The following DNAJC5 variants were observed in gnomAD, a reference collection of about 807,000 sequenced individuals.
DNAJC5 encodes DnaJ heat shock protein family (Hsp40) member C5.
DNAJC5 carries 1 observed loss-of-function variant against 23.2 expected under a neutral mutation model. The ratio of observed to expected loss-of-function variants is 0.04; its 90% CI spans 0.02 to 0.20. DNAJC5 has a LOEUF of 0.20. Among genes scored for constraint, DNAJC5 ranks in the 10% least tolerant of loss-of-function variants. The pLI is 1.00. For synonymous variants in DNAJC5, 136 were observed against 120.0 expected (o/e 1.13, Z -0.87); for missense variants, 180 against 267.0 (o/e 0.67, Z 2.27).
intron 1 of DNAJC5, among the ~76,000 whole-genome samples, chr20:63,922,322 G>A (rs1032506165): frequency 1.7e-4 from 26 of 152,166 alleles, no homozygotes; most frequent in African/African-American, 5.8e-4. Flanking sequence ...AATTAGCTGG[G>A]TGTGGTGGCG....
intron 1 of DNAJC5, among the ~76,000 whole-genome samples, chr20:63,918,427 AT>A (rs1279137450): frequency 2.6e-5 from 4 of 152,194 alleles, no homozygotes; most frequent in African/African-American, 9.6e-5. Context: ...ATTAAAACTA[AT>A]TAGCGTTTAG....
At position 63,929,492 on chromosome 20, in the gene DNAJC5, C is replaced by T; in HGVS notation, c.288C>T (p.Asn96=). 1 of 1,614,102 alleles carries T rather than the reference C, an allele frequency of 6.2e-7. No homozygotes were observed. Among genetic ancestry groups the T allele is most frequent in the Admixed American group, 1.7e-5 (1 of 60,022 alleles). ...VAEQFGEENV[N]TYFVLSSWWA... is the part of the protein sequence containing the mutation. Reference sequence around the variant, plus strand: ...AGCAGTTTGGGGAAGAGAACGTGAACACCTACTTCGTGCTGTCCAGCTGGT... The same window carrying T: ...AGCAGTTTGGGGAAGAGAACGTGAATACCTACTTCGTGCTGTCCAGCTGGT... Residue 96 remains asparagine (N), a synonymous_variant, in exon 3 of 5, where the codon AAC becomes AAT. Coordinates refer to ENST00000360864, the MANE Select transcript of DNAJC5 (RefSeq NM_025219.3). The surrounding 1 kb of genome is among the most constrained non-coding windows in gnomAD (Gnocchi z 8.6).
Position 63,934,976 on chromosome 20 carries a change from TGGGGACATCTCGTGA to T in DNAJC5, c.*3416_*3430del, listed in dbSNP as rs1475413161. 1 of 152,266 alleles carries T rather than the reference TGGGGACATCTCGTGA, an allele frequency of 6.6e-6. No individual in the cohort carries two copies. The highest frequency in any genetic ancestry group is 1.5e-5 in the Non-Finnish European group (1 of 68,074). The allele number at this position is 152,266 out of a possible 1,614,324, so 9.4% of individuals were successfully genotyped here. On this transcript the variant is annotated 3_prime_UTR_variant, in exon 5 of 5. Transcript: ENST00000360864. Reference sequence around the variant, plus strand: ...AGCTCTGACTCAGTGCATCCTACTGTGGGGACATCTCGTGAGGGGACACGAAATGACTGATCTCAC... The same window carrying T: ...AGCTCTGACTCAGTGCATCCTACTGTGGGGACACGAAATGACTGATCTCAC...
At chr20:63,902,397 C>G (rs2053419588) in intron 1 of DNAJC5, among the ~76,000 whole-genome samples, 1 of 118,932 alleles carries the variant, frequency 8.4e-6, no homozygotes, top group Non-Finnish European at 1.7e-5. Context: ...CGGAGTTTCA[C>G]TCTTGTTTCC....
At chr20:63,927,706 G>A (rs1463567858) in intron 1 of DNAJC5, among the ~76,000 whole-genome samples, 1 of 152,144 alleles carries the variant, frequency 6.6e-6, no homozygotes, top group African/African-American at 2.4e-5. Context: ...GTTGGGTCTT[G>A]CATTTTTATC....
At chr20:63,926,751 C>G (rs1283242677) in intron 1 of DNAJC5, among the ~76,000 whole-genome samples, 1 of 152,200 alleles carries the variant, frequency 6.6e-6, no homozygotes, top group Non-Finnish European at 1.5e-5. Flanking sequence ...TGGACTGGGA[C>G]GACACTCACC....
intron 1 of DNAJC5, among the ~76,000 whole-genome samples, chr20:63,899,759 T>C (rs546003410): frequency 9.9e-4 from 151 of 152,072 alleles, no homozygotes; most frequent in African/African-American, 3.4e-3. Context: ...TTTTTTGTAT[T>C]TTTAGTAGAG....
At chr20:63,917,716 G>A (rs1273076749) in intron 1 of DNAJC5, among the ~76,000 whole-genome samples, 2 of 151,468 alleles carry the variant, frequency 1.3e-5, no homozygotes, top group African/African-American at 2.4e-5. Context: ...CCATCACACC[G>A]AGGTAATTTT....
intron 1 of DNAJC5, among the ~76,000 whole-genome samples, chr20:63,925,824 GGTTT>G (rs749652840): frequency 1.5e-3 from 206 of 136,842 alleles, no homozygotes; most frequent in Non-Finnish European, 2.6e-3. Context: ...AATTTTATCT[GGTTT>G]TTTTTTTTTT....
chr20:63,903,529 G>T (rs921027611), intron 1 of DNAJC5, among the ~76,000 whole-genome samples: 2 of 152,064 alleles, frequency 1.3e-5, no homozygotes, highest in African/African-American at 4.8e-5. Flanking sequence ...GGATGATCTC[G>T]ATCTCTTGAC....
In DNAJC5 at chr20:63,929,468, G is replaced by A. The variant is rs780477656; in HGVS notation, c.264G>A (p.Glu88=). The A allele has an allele frequency of 6.2e-7, 1 of 1,614,066 alleles. No homozygotes were observed. Among genetic ancestry groups the A allele is most frequent in the Non-Finnish European group, 8.5e-7 (1 of 1,180,050 alleles). Reference sequence around the variant, plus strand: ...GCTCGCTGGGTCTCTACGTGGCCGAGCAGTTTGGGGAAGAGAACGTGAACA... The same window carrying A: ...GCTCGCTGGGTCTCTACGTGGCCGAACAGTTTGGGGAAGAGAACGTGAACA... ...KYGSLGLYVA[E]QFGEENVNTY... Residue 88 remains glutamate (E), a synonymous_variant, in exon 3 of 5, where the codon GAG becomes GAA. Transcript: ENST00000360864. This position sits in a 1 kb window ranked among gnomAD's most constrained non-coding sequence, Gnocchi z 8.6.
intron 1 of DNAJC5, among the ~76,000 whole-genome samples, chr20:63,903,729 T>C (rs1010526688): frequency 2.0e-5 from 3 of 152,022 alleles, no homozygotes; most frequent in African/African-American, 7.2e-5. Flanking sequence ...GCAAGCAGAT[T>C]ACATGAGGCC....
chr20:63,921,080 C>T (rs926780982), intron 1 of DNAJC5, among the ~76,000 whole-genome samples: 4 of 152,138 alleles, frequency 2.6e-5, no homozygotes, highest in Admixed American at 6.5e-5. Flanking sequence ...CTACCTCAGC[C>T]TCCTGAGTAG....
At chr20:63,926,690 G>T (rs562447488) in intron 1 of DNAJC5, among the ~76,000 whole-genome samples, 1 of 152,180 alleles carries the variant, frequency 6.6e-6, no homozygotes, top group Non-Finnish European at 1.5e-5. Context: ...CAGGCGAGAA[G>T]GAAAACCCAG....
At position 63,920,099 on chromosome 20, in the gene DNAJC5, A is replaced by G. The variant is rs2053555066; in HGVS notation, c.-11-8236A>G. On this transcript the variant is annotated intron_variant, in intron 1 of 4. Transcript: ENST00000360864. This position sits in a 1 kb window ranked among gnomAD's most constrained non-coding sequence, Gnocchi z 4.6. ...AGAGGACGCACCCGGCTGTGTGGAC[A>G]TGTGCCCAGGGCCCGGGACAGCGCC... 7.5e-6 allele frequency among the ~76,000 whole-genome samples: 1 copy of G among 134,124 alleles called. No homozygotes were observed. Among genetic ancestry groups the G allele is most frequent in the Non-Finnish European group, 1.6e-5 (1 of 62,902 alleles). The allele number at this position is 134,124 out of a possible 152,430, so 88.0% of individuals were successfully genotyped here. A position where few individuals can be genotyped will look rare whatever the true frequency, so the allele number is the denominator to read the frequency against.
At chr20:63,913,082 T>G (rs2053492606) in intron 1 of DNAJC5, among the ~76,000 whole-genome samples, 1 of 152,136 alleles carries the variant, frequency 6.6e-6, no homozygotes, top group African/African-American at 2.4e-5. Context: ...CCCGTCTCCA[T>G]CTCCCTGTCT....
chr20:63,915,542 A>G (rs1462078952), intron 1 of DNAJC5, among the ~76,000 whole-genome samples: 1 of 152,194 alleles, frequency 6.6e-6, no homozygotes, highest in African/African-American at 2.4e-5. Context: ...TGTCCTGGAT[A>G]TGTCCACTGG....
chr20:63,916,301 A>T (rs2053515257), intron 1 of DNAJC5, among the ~76,000 whole-genome samples: 1 of 152,204 alleles, frequency 6.6e-6, no homozygotes, highest in African/African-American at 2.4e-5. Flanking sequence ...ATTTTCCATA[A>T]GTGTCGGCCA....
chr20:63,929,196 C>T lies in DNAJC5; in HGVS notation c.108-116C>T. 1 of 1,230,674 alleles carries T rather than the reference C, an allele frequency of 8.1e-7. No individual in the cohort carries two copies. Among genetic ancestry groups the T allele is most frequent in the Non-Finnish European group, 1.2e-6 (1 of 858,194 alleles). 76.2% of individuals were successfully genotyped at this position (1,230,674 alleles called of 1,614,324 possible). A position where few individuals can be genotyped will look rare whatever the true frequency, so the allele number is the denominator to read the frequency against. On this transcript the variant is annotated intron_variant, in intron 2 of 4. Transcript: ENST00000360864. The surrounding 1 kb of genome is among the most constrained non-coding windows in gnomAD (Gnocchi z 8.6). ...CTGGAGAGTCGGACAGTGAGGTGGCCTGGGTGGACCTGCCTTCCACTGCAC... is the reference window on the plus strand; with the variant it reads ...CTGGAGAGTCGGACAGTGAGGTGGCTTGGGTGGACCTGCCTTCCACTGCAC...
Sources: allele counts gnomAD v4.1 joint callset (sites outside exome capture counted in the v4.1 genomes callset), GRCh38; gene constraint gnomAD v4.1.1; non-coding constraint Gnocchi (gnomAD v3.1); transcripts MANE v1.5; gene names NCBI Gene and HGNC (gene_info 2026-07-23, HGNC 2026-07-21).